The following TAB2 variants were observed in gnomAD, a reference collection of about 807,000 sequenced individuals.
TAB2 encodes TGF-beta activated kinase 1 (MAP3K7) binding protein 2, also known as TGF-beta-activated kinase 1 and MAP3K7-binding protein 2.
A neutral mutation model predicts 65.0 loss-of-function variants in TAB2; 3 were observed. That is an observed-to-expected ratio of 0.05 (90% CI 0.02 to 0.12). The LOEUF is 0.12. Among genes scored for constraint, TAB2 ranks in the 10% least tolerant of loss-of-function variants. TAB2 has a pLI of 1.00. For missense variants in TAB2, 623 were observed against 840.3 expected, an observed-to-expected ratio of 0.74 and a Z score of 3.20; for synonymous variants, 298 against 285.1, an observed-to-expected ratio of 1.05 and a Z score of -0.46.
chr6:149,253,575 G>A (rs1263983241), intron 1 of TAB2, among the ~76,000 whole-genome samples: 1 of 128,970 alleles, frequency 7.8e-6, no homozygotes, highest in African/African-American at 3.0e-5. Context: ...AGCCAAGATC[G>A]CACCACTGCA....
At chr6:149,241,009 A>G (rs1777587041) in intron 1 of TAB2, among the ~76,000 whole-genome samples, 3 of 152,200 alleles carry the variant, frequency 2.0e-5, no homozygotes, top group Admixed American at 6.5e-5. Context: ...CCTCATATAA[A>G]GAGGAAGAGA....
intron 1 of TAB2, among the ~76,000 whole-genome samples, chr6:149,224,136 G>T (rs1415835859): frequency 2.6e-5 from 4 of 152,218 alleles, no homozygotes; most frequent in Non-Finnish European, 5.9e-5. Flanking sequence ...AGTTCTCAGT[G>T]CAGTAACTAC....
At chr6:149,399,726 G>T (rs1326768177) in intron 6 of TAB2, among the ~76,000 whole-genome samples, 1 of 152,064 alleles carries the variant, frequency 6.6e-6, no homozygotes, top group East Asian at 1.9e-4. Context: ...GTGTAGAAAT[G>T]GAAACAGGTA....
intron 1 of TAB2, among the ~76,000 whole-genome samples, chr6:149,267,905 G>A (rs577478513): frequency 3.3e-5 from 5 of 152,212 alleles, no homozygotes; most frequent in East Asian, 1.9e-4. Context: ...GACCACTGTC[G>A]TATACGCAGT....
chr6:149,224,822 C>A (rs1298807148), intron 1 of TAB2, among the ~76,000 whole-genome samples: 1 of 152,178 alleles, frequency 6.6e-6, no homozygotes, highest in African/African-American at 2.4e-5. Context: ...TAAGCAGGCC[C>A]TTGAAAAATA....
At chr6:149,330,047 C>A (rs1779736366) in intron 1 of TAB2, among the ~76,000 whole-genome samples, 1 of 152,016 alleles carries the variant, frequency 6.6e-6, no homozygotes, top group Non-Finnish European at 1.5e-5. Context: ...ATTGTCACTT[C>A]AAGAATGTTA....
chr6:149,375,934 T>C (rs1305067190), intron 2 of TAB2, among the ~76,000 whole-genome samples: 6 of 152,132 alleles, frequency 3.9e-5, no homozygotes, highest in Non-Finnish European at 1.5e-5. Flanking sequence ...GTTGAAACAA[T>C]GTGAACTGTC....
chr6:149,301,794 C>T (rs1173307694), intron 1 of TAB2, among the ~76,000 whole-genome samples: 1 of 152,108 alleles, frequency 6.6e-6, no homozygotes, highest in African/African-American at 2.4e-5. Flanking sequence ...CCTTTAAAAT[C>T]TTATTTTTAT....
At chr6:149,386,338 C>A (rs1044485896) in intron 3 of TAB2, among the ~76,000 whole-genome samples, 2 of 152,090 alleles carry the variant, frequency 1.3e-5, no homozygotes, top group Admixed American at 6.6e-5. Context: ...TTATAGTATA[C>A]ATCAGTTTTT....
Position 149,318,326 on chromosome 6 carries a change from G to C in TAB2, c.-90+311G>C, listed in dbSNP as rs535317234. On this transcript the variant is annotated intron_variant, in intron 1 of 6. Coordinates refer to ENST00000637181, the MANE Select transcript of TAB2 (RefSeq NM_001292034.3). ...TCGAGCGCCTAGGAGAGCCCCGGGT[G>C]GGGGAGGGCGCAAGGGGCTCGGGAG... Among the ~76,000 whole-genome samples the C allele has an allele frequency of 1.8e-4, 28 of 152,126 alleles. No individual in the cohort carries two copies. In the East Asian group the frequency reaches 3.3e-3, roughly 18 times the overall value.
chr6:149,232,027 A>T (rs1391889278), intron 1 of TAB2, among the ~76,000 whole-genome samples: 1 of 152,160 alleles, frequency 6.6e-6, no homozygotes, highest in Non-Finnish European at 1.5e-5. Context: ...CACTGACCTG[A>T]TTGTGAGGAT....
At chr6:149,293,492 G>A (rs1778817242) in intron 1 of TAB2, among the ~76,000 whole-genome samples, 1 of 152,182 alleles carries the variant, frequency 6.6e-6, no homozygotes, top group Admixed American at 6.5e-5. Context: ...ACTGGTCTGA[G>A]ATGCAGCTGT....
rs761105159 is a variant in TAB2 at position 149,379,493 on chromosome 6, A to T, written c.1578A>T (p.Gly526=). ...GTGAAACACGGAAACTGAGTATGGG[A>T]TCTGATGATGCTGCCTACACACAAG... ...RISETRKLSM[G]SDDAAYTQAL... Residue 526 remains glycine, a synonymous_variant, in exon 3 of 7, where the codon GGA becomes GGT. Transcript: ENST00000637181. 12 of 1,614,062 alleles carry T rather than the reference A, an allele frequency of 7.4e-6. No individual in the cohort carries two copies. Among genetic ancestry groups the T allele is most frequent in the Non-Finnish European group, 1.0e-5 (12 of 1,180,036 alleles).
intron 3 of TAB2, among the ~76,000 whole-genome samples, chr6:149,393,860 TTA>T (rs1782079504): frequency 1.3e-5 from 2 of 152,224 alleles, no homozygotes; most frequent in Non-Finnish European, 2.9e-5. Context: ...TCTGAAATAA[TTA>T]TATGAAATTT....
intron 1 of TAB2, among the ~76,000 whole-genome samples, chr6:149,325,021 AC>A (rs1305277487): frequency 6.6e-6 from 1 of 152,006 alleles, no homozygotes; most frequent in Non-Finnish European, 1.5e-5. Context: ...CTAGGAAAAT[AC>A]TGCTTTTGGT....
chr6:149,280,950 A>G (rs7771043), intron 1 of TAB2, among the ~76,000 whole-genome samples: 4,263 of 145,862 alleles, frequency 0.029, 224 homozygotes, highest in African/African-American at 0.1. Context: ...AAAAAAAAAA[A>G]GAAGTTGAAA....
chr6:149,292,993 T>C (rs911623801), intron 1 of TAB2, among the ~76,000 whole-genome samples: 3 of 152,216 alleles, frequency 2.0e-5, no homozygotes, highest in Admixed American at 6.5e-5. Flanking sequence ...TCTTCACTAG[T>C]TTTCCTGATT....
chr6:149,233,084 G>A (rs1363138404), intron 1 of TAB2, among the ~76,000 whole-genome samples: 1 of 152,324 alleles, frequency 6.6e-6, no homozygotes, highest in East Asian at 1.9e-4. Context: ...TATCCTGCAT[G>A]CAGACCCACC....
chr6:149,285,244 T>A (rs943241789), intron 1 of TAB2, among the ~76,000 whole-genome samples: 3 of 152,200 alleles, frequency 2.0e-5, no homozygotes, highest in Non-Finnish European at 4.4e-5. Flanking sequence ...GAAATATTAG[T>A]TATTGCCAAC....
Sources: allele counts gnomAD v4.1 joint callset (sites outside exome capture counted in the v4.1 genomes callset), GRCh38; gene constraint gnomAD v4.1.1; transcripts MANE v1.5; gene names NCBI Gene and HGNC (gene_info 2026-07-23, HGNC 2026-07-21).